Variants in MRPL1 observed in about 807,000 individuals in gnomAD.
MRPL1 encodes the protein large ribosomal subunit protein uL1m.
A neutral mutation model predicts 38.0 loss-of-function variants in MRPL1; 28 were observed. The observed-to-expected ratio is 0.74, with a 90% CI of 0.55 to 1.01. The LOEUF (loss-of-function observed/expected upper bound fraction) is 1.01. Ranked by LOEUF, MRPL1 falls within the 50% of genes least tolerant of loss-of-function variation. The pLI, the probability that MRPL1 is intolerant of heterozygous loss-of-function variation, is 0.00. For missense variants in MRPL1, 358 were observed against 389.8 expected, an observed-to-expected ratio of 0.92 and a Z score of 0.69; for synonymous variants, 123 against 126.7, an observed-to-expected ratio of 0.97 and a Z score of 0.20.
intron 7 of MRPL1, among the ~76,000 whole-genome samples, chr4:77,935,345 G>A (rs1736941342): frequency 6.6e-6 from 1 of 152,112 alleles, no homozygotes; most frequent in South Asian, 2.1e-4. Flanking sequence ...CTGTAGTGGT[G>A]GTCAGGCAGG....
rs369343430 is a variant in MRPL1, at chr4:77,936,608, T to C, written c.778-13189T>C. On this transcript the variant is annotated intron_variant, in intron 7 of 8. Transcript: ENST00000315567. ...GTGCTCATTTATGTATTGTCTATGATTTCTTTTGCACCAGAACAGCAGAAG... is the reference window on the plus strand; with the variant it reads ...GTGCTCATTTATGTATTGTCTATGACTTCTTTTGCACCAGAACAGCAGAAG... 1.8e-4 allele frequency among the ~76,000 whole-genome samples: 27 copies of C among 152,352 alleles called. 1 individual carries two copies. In the South Asian group the frequency reaches 2.3e-3, roughly 13 times the overall value.
intron 7 of MRPL1, among the ~76,000 whole-genome samples, chr4:77,917,295 G>A (rs1736444631): frequency 6.6e-6 from 1 of 151,994 alleles, no homozygotes; most frequent in Admixed American, 6.6e-5. Flanking sequence ...CAAGTGCCTG[G>A]TAAATAAAAT....
chr4:77,881,001 C>G (rs1735524658), intron 2 of MRPL1, among the ~76,000 whole-genome samples: 1 of 152,178 alleles, frequency 6.6e-6, no homozygotes, highest in African/African-American at 2.4e-5. Context: ...TTTGAGCTAG[C>G]CTAGGCATGT....
chr4:77,919,724 C>T (rs1736518110), intron 7 of MRPL1, among the ~76,000 whole-genome samples: 1 of 151,786 alleles, frequency 6.6e-6, no homozygotes, highest in Non-Finnish European at 1.5e-5. Context: ...TTTTTTTAGC[C>T]TTTCATAACA....
rs537238525 is a variant in MRPL1, at chr4:77,895,175, T to G, written c.670+925T>G. Among the ~76,000 whole-genome samples the G allele has an allele frequency of 7.2e-5, 11 of 152,250 alleles. No individual in the cohort carries two copies. The South Asian group carries it at 1.7e-3, about 23-fold the overall frequency. ...AGATGGGAGTGACATAATCTGTTCT[T>G]TAGAGCTTTAATCTGGCAAGAGGTT... On this transcript the variant is annotated intron_variant, in intron 6 of 8. Transcript: ENST00000315567.
At chr4:77,943,926 G>A (rs1737194544) in intron 7 of MRPL1, among the ~76,000 whole-genome samples, 2 of 152,238 alleles carry the variant, frequency 1.3e-5, no homozygotes, top group Non-Finnish European at 2.9e-5. Flanking sequence ...TTGCTGATAA[G>A]CTAGTGTGAT....
At chr4:77,883,182 T>A (rs1036105615) in intron 2 of MRPL1, 60 bp from the exon 3 acceptor site, 12 of 1,157,786 alleles carry the variant, frequency 1.0e-5, no homozygotes, top group Non-Finnish European at 1.4e-5. Flanking sequence ...ACTGGCTTTT[T>A]TTTTAAAAAA....
rs1335837520 is a variant in MRPL1 at position 77,870,759 on chromosome 4, A to C, written c.32-985A>C. On this transcript the variant is annotated intron_variant, in intron 1 of 8. Transcript: ENST00000315567. ...GGAAGACTTTACTTTTGTAATCTTTAAATAAAAACATATTTCTAATATTTA... is the reference window on the plus strand; with the variant it reads ...GGAAGACTTTACTTTTGTAATCTTTCAATAAAAACATATTTCTAATATTTA... Among the ~76,000 whole-genome samples the C allele has an allele frequency of 2.0e-5, 3 of 152,328 alleles. No individual in the cohort carries two copies. The East Asian group carries it at 5.8e-4, about 29-fold the overall frequency.
chr4:77,945,298 C>CT (rs1737234371), intron 7 of MRPL1, among the ~76,000 whole-genome samples: 1 of 151,938 alleles, frequency 6.6e-6, no homozygotes, highest in African/African-American at 2.4e-5. Context: ...CCAGGCCACA[C>CT]TTTATATAGT....
At chr4:77,920,827 A>C (rs1035964201) in intron 7 of MRPL1, among the ~76,000 whole-genome samples, 1 of 152,110 alleles carries the variant, frequency 6.6e-6, no homozygotes, top group African/African-American at 2.4e-5. Context: ...AAGTGGCACG[A>C]ACTTGACTCA....
At chr4:77,901,286 G>A (rs1736029074) in intron 6 of MRPL1, among the ~76,000 whole-genome samples, 1 of 152,022 alleles carries the variant, frequency 6.6e-6, no homozygotes, top group Non-Finnish European at 1.5e-5. Flanking sequence ...ACTATAAATA[G>A]AGGAATAAAA....
chr4:77,904,458 G>T (rs1350374181), intron 6 of MRPL1, among the ~76,000 whole-genome samples: 1 of 152,122 alleles, frequency 6.6e-6, no homozygotes, highest in Non-Finnish European at 1.5e-5. Flanking sequence ...GGAGGCTGAG[G>T]CAGGAGAATC....
intron 7 of MRPL1, among the ~76,000 whole-genome samples, chr4:77,943,427 G>A (rs952161520): frequency 3.3e-5 from 5 of 151,902 alleles, no homozygotes; most frequent in South Asian, 2.1e-4. Context: ...CTCTAGCCAC[G>A]CTGGGAAGTT....
At chr4:77,948,525 A>G (rs1320100914) in intron 7 of MRPL1, among the ~76,000 whole-genome samples, 1 of 152,280 alleles carries the variant, frequency 6.6e-6, no homozygotes, top group South Asian at 2.1e-4. Flanking sequence ...TCCTGCAGTA[A>G]TGTCCAACCT....
intron 6 of MRPL1, among the ~76,000 whole-genome samples, chr4:77,904,792 G>T (rs1019941874): frequency 6.6e-6 from 1 of 152,294 alleles, no homozygotes; most frequent in Non-Finnish European, 1.5e-5. Flanking sequence ...TCAATGAATT[G>T]TGCTGAAATA....
intron 7 of MRPL1, among the ~76,000 whole-genome samples, chr4:77,940,521 T>C (rs1039171063): frequency 5.1e-4 from 77 of 152,192 alleles, no homozygotes; most frequent in African/African-American, 1.8e-3. Context: ...TCTTTATTGA[T>C]TTGGATGCCT....
chr4:77,910,485 A>G (rs1736261991), intron 7 of MRPL1, among the ~76,000 whole-genome samples: 1 of 152,166 alleles, frequency 6.6e-6, no homozygotes, highest in Admixed American at 6.5e-5. Flanking sequence ...AAAAATACAA[A>G]AAAATTAGTT....
At chr4:77,905,198 T>C (rs1736125948) in intron 6 of MRPL1, among the ~76,000 whole-genome samples, 4 of 151,924 alleles carry the variant, frequency 2.6e-5, no homozygotes, top group Admixed American at 1.3e-4. Flanking sequence ...GTAGGTATTG[T>C]ACAAAAGAAT....
rs749694091 is a variant in MRPL1 at position 77,894,272 on chromosome 4, C to T, written c.670+22C>T. On this transcript the variant is annotated intron_variant, in intron 6 of 8. Transcript: ENST00000315567. Reference sequence around the variant, plus strand: ...CGAAGTAAGAGAATTCCTATTATTTCAATATCCTGTCAACAACTTTCTTGT... The same window carrying T: ...CGAAGTAAGAGAATTCCTATTATTTTAATATCCTGTCAACAACTTTCTTGT... 4.3e-6 allele frequency: 6 copies of T among 1,395,326 alleles called. No homozygotes were observed. In the South Asian group the frequency reaches 7.5e-5, roughly 17 times the overall value. 86.4% of individuals were successfully genotyped at this position (1,395,326 alleles called of 1,614,324 possible).
Sources: gnomAD v4.1 joint callset for allele counts (sites outside exome capture counted in the v4.1 genomes callset) on GRCh38, gnomAD v4.1.1 for gene constraint, MANE v1.5 for transcripts, NCBI Gene and HGNC (gene_info 2026-07-23, HGNC 2026-07-21) for gene names.